KRCC1: variants seen among roughly 807,000 people sequenced by gnomAD.
KRCC1 encodes lysine rich coiled-coil 1, also known as lysine-rich coiled-coil protein 1.
Under a neutral mutation model 7.4 loss-of-function variants are expected in KRCC1, and 3 were observed. The ratio of observed to expected loss-of-function variants is 0.40; its 90% CI spans 0.18 to 1.04. The LOEUF (loss-of-function observed/expected upper bound fraction) is 1.04, where lower values mean the gene tolerates loss of function less well. Ranked by LOEUF, KRCC1 falls within the 50% of genes least tolerant of loss-of-function variation. The pLI is 0.33. For synonymous variants in KRCC1, 102 were observed against 101.6 expected, an observed-to-expected ratio of 1.00 and a Z score of -0.02; for missense variants, 277 against 300.9, an observed-to-expected ratio of 0.92 and a Z score of 0.59.
At chr2:88,051,151 C>T (rs937091332) in intron 1 of KRCC1, among the ~76,000 whole-genome samples, 9 of 151,528 alleles carry the variant, frequency 5.9e-5, no homozygotes, top group African/African-American at 2.2e-4. Flanking sequence ...ATTTCAAACT[C>T]CTGGGCTCAA....
chr2:88,052,578 C>T (rs1673516831), intron 1 of KRCC1, among the ~76,000 whole-genome samples: 1 of 139,238 alleles, frequency 7.2e-6, no homozygotes, highest in Non-Finnish European at 1.6e-5. Context: ...TGGGCAACTG[C>T]GTAAGTGAAT....
At chr2:88,048,124 G>A (rs572665601) in intron 1 of KRCC1, among the ~76,000 whole-genome samples, 75 of 147,300 alleles carry the variant, frequency 5.1e-4, no homozygotes, top group African/African-American at 1.7e-3. Flanking sequence ...CTCTTGTTGC[G>A]CAGGCTGGGG....
intron 1 of KRCC1, among the ~76,000 whole-genome samples, chr2:88,048,105 G>C (rs1392295503): frequency 7.2e-6 from 1 of 139,774 alleles, no homozygotes; most frequent in Non-Finnish European, 1.5e-5. Context: ...TTTTGAGATG[G>C]GAGTTTCACT....
intron 1 of KRCC1, among the ~76,000 whole-genome samples, chr2:88,049,396 T>G (rs2104626433): frequency 6.6e-6 from 1 of 152,206 alleles, no homozygotes; most frequent in African/African-American, 2.4e-5. Flanking sequence ...TATCAATGCT[T>G]ACGTCCTTGG....
chr2:88,041,097 T>C (rs952638630), intron 1 of KRCC1, among the ~76,000 whole-genome samples: 2 of 152,158 alleles, frequency 1.3e-5, no homozygotes, highest in Admixed American at 6.5e-5. Flanking sequence ...AATGGAGATA[T>C]TGTTAGGTAG....
In KRCC1 at chr2:88,041,955, C is replaced by G. The variant is rs766075783; in HGVS notation, c.-290-4904G>C. On this transcript the variant is annotated intron_variant, in intron 1 of 3. Transcript: ENST00000347055. ...AATCCTGGAGGTAGCATCTCTCCCCCCCGATATTGGCTATCTTCTCCCATG... is the reference window on the plus strand; with the variant it reads ...AATCCTGGAGGTAGCATCTCTCCCCGCCGATATTGGCTATCTTCTCCCATG... Among the ~76,000 whole-genome samples the G allele has an allele frequency of 1.2e-4, 19 of 152,204 alleles. No homozygotes were observed. The East Asian group carries it at 2.7e-3, about 22-fold the overall frequency.
intron 1 of KRCC1, among the ~76,000 whole-genome samples, chr2:88,053,411 G>C (rs968008990): frequency 2.0e-5 from 3 of 152,184 alleles, no homozygotes; most frequent in African/African-American, 7.2e-5. Context: ...TGCTGAGTCT[G>C]CCAAAAAGCT....
At chr2:88,031,649 A>T (rs549389969) in intron 3 of KRCC1, among the ~76,000 whole-genome samples, 39 of 151,964 alleles carry the variant, frequency 2.6e-4, no homozygotes, top group East Asian at 9.7e-4. Flanking sequence ...AAAATAAAAA[A>T]AAAGTTAAGA....
rs1434295771 is a variant in KRCC1 at position 88,028,289 on chromosome 2, T to C, written c.275A>G (p.His92Arg). The C allele has an allele frequency of 8.1e-6, 13 of 1,614,208 alleles. No individual in the cohort carries two copies. Among genetic ancestry groups the C allele is most frequent in the Middle Eastern group, 1.6e-4 (1 of 6,062 alleles). The change falls in exon 4 of 4, where the codon CAT becomes CGT. Residue 92 changes from histidine (H) to arginine (R), a missense_variant. Transcript: ENST00000347055. ...AGAGTCTAGTCTCAATCTGCTGTCATGGGCTGGTAACCACTGAGGCAACCG... is the reference window on the plus strand; with the variant it reads ...AGAGTCTAGTCTCAATCTGCTGTCACGGGCTGGTAACCACTGAGGCAACCG... ...ENRLPQWLPAHDSRLRLDSLS... is the reference protein window; with the variant it reads ...ENRLPQWLPARDSRLRLDSLS...
chr2:88,034,738 A>G (rs1673059690), intron 2 of KRCC1, among the ~76,000 whole-genome samples: 1 of 152,190 alleles, frequency 6.6e-6, no homozygotes, highest in Admixed American at 6.6e-5. Flanking sequence ...ATAGAACACC[A>G]GAACTTATTC....
chr2:88,032,348 TG>T (rs1392558762), intron 3 of KRCC1, among the ~76,000 whole-genome samples: 2 of 148,684 alleles, frequency 1.3e-5, no homozygotes, highest in Non-Finnish European at 3.0e-5. Context: ...ACATTTTTAC[TG>T]TGTCTTTTTG....
intron 1 of KRCC1, among the ~76,000 whole-genome samples, chr2:88,044,624 G>A (rs1185064307): frequency 6.6e-6 from 1 of 151,762 alleles, no homozygotes; most frequent in African/African-American, 2.4e-5. Flanking sequence ...CACAATGAGG[G>A]GTCTGCTTTT....
intron 1 of KRCC1, among the ~76,000 whole-genome samples, chr2:88,053,757 AAT>A (rs1350599514): frequency 1.3e-5 from 2 of 152,354 alleles, no homozygotes; most frequent in East Asian, 3.9e-4. Context: ...AATTGTGTAA[AAT>A]ATTATGGGAT....
Position 88,027,903 on chromosome 2 carries a change from T to C in KRCC1, c.661A>G (p.Lys221Glu), listed in dbSNP as rs1198586044. 2 of 1,614,032 alleles carry C rather than the reference T, an allele frequency of 1.2e-6. No individual in the cohort carries two copies. Among genetic ancestry groups the C allele is most frequent in the East Asian group, 4.5e-5 (2 of 44,882 alleles). The change falls in exon 4 of 4, where the codon AAA becomes GAA. Residue 221 changes from lysine (K) to glutamate (E), a missense_variant. Transcript: ENST00000347055. ...TEKLKNRKEK[K>E]SRDVVSKKEE... ...TTCTTAGAGACTACATCTCGGCTTT[T>C]TTTCTCCTTTCGATTCTTAAGCTTT...
intron 1 of KRCC1, among the ~76,000 whole-genome samples, chr2:88,039,593 T>A (rs1673162748): frequency 1.3e-5 from 2 of 152,084 alleles, no homozygotes; most frequent in Non-Finnish European, 2.9e-5. Flanking sequence ...GAGGCTGAAG[T>A]ACGAGAATCT....
intron 1 of KRCC1, among the ~76,000 whole-genome samples, chr2:88,046,849 T>G (rs1234604601): frequency 6.6e-6 from 1 of 152,044 alleles, no homozygotes; most frequent in East Asian, 1.9e-4. Context: ...TTTTTATATT[T>G]TTTTTGCAGA....
chr2:88,038,773 A>G (rs1429709064), intron 1 of KRCC1, among the ~76,000 whole-genome samples: 1 of 152,154 alleles, frequency 6.6e-6, no homozygotes, highest in Non-Finnish European at 1.5e-5. Context: ...AAGTGAGAAA[A>G]GCCCCTTATA....
intron 3 of KRCC1, 59 bp from the exon 4 acceptor site, chr2:88,028,644 C>T (rs200156459): frequency 0.039 from 19,476 of 502,226 alleles, 847 homozygotes; most frequent in East Asian, 0.23. Context: ...TTCCTTTGCT[C>T]TTTTTTTTTT....
At chr2:88,035,035 A>G (rs1673065971) in intron 2 of KRCC1, among the ~76,000 whole-genome samples, 1 of 152,206 alleles carries the variant, frequency 6.6e-6, no homozygotes, top group Admixed American at 6.5e-5. Flanking sequence ...ACCCCAAAGA[A>G]CTATAAATTG....
Sources: gnomAD v4.1 joint callset for allele counts (sites outside exome capture counted in the v4.1 genomes callset) on GRCh38, gnomAD v4.1.1 for gene constraint, MANE v1.5 for transcripts, NCBI Gene and HGNC (gene_info 2026-07-23, HGNC 2026-07-21) for gene names.